Variants in MCF2L observed in about 807,000 individuals in gnomAD.
MCF2L encodes guanine nucleotide exchange factor DBS.
A neutral mutation model predicts 153.4 loss-of-function variants in MCF2L; 97 were observed. The ratio of observed to expected loss-of-function variants is 0.63; its 90% CI spans 0.54 to 0.75. MCF2L has a LOEUF of 0.75. Among genes scored for constraint, MCF2L ranks in the 30% least tolerant of loss-of-function variants. The pLI is 0.00. For missense variants in MCF2L, 1,347 were observed against 1,495.2 expected, an observed-to-expected ratio of 0.90 and a Z score of 1.64; for synonymous variants, 659 against 632.2, an observed-to-expected ratio of 1.04 and a Z score of -0.64.
At chr13:113,014,867 T>G in intron 2 of MCF2L, 21 bp downstream of exon 2, 1 of 1,607,812 alleles carries the variant, frequency 6.2e-7, no homozygotes, top group Non-Finnish European at 8.5e-7. Flanking sequence ...GAAGCTGGGA[T>G]GGGGTGGAGA....
At chr13:112,998,761 G>A (rs2083242720) in intron 1 of MCF2L, among the ~76,000 whole-genome samples, 1 of 152,198 alleles carries the variant, frequency 6.6e-6, no homozygotes, top group Admixed American at 6.5e-5. Context: ...CTGGCTAAAG[G>A]TCTAGGTGCT....
intron 2 of MCF2L, among the ~76,000 whole-genome samples, chr13:112,963,123 G>A (rs34556022): frequency 0.65 from 99,112 of 151,888 alleles, 32,624 homozygotes; most frequent in Non-Finnish European, 0.71. Flanking sequence ...TGCCTGGCTC[G>A]GCTCTGCCCT....
intron 3 of MCF2L, among the ~76,000 whole-genome samples, chr13:113,032,845 A>G (rs2085810525): frequency 6.6e-6 from 1 of 152,236 alleles, no homozygotes; most frequent in East Asian, 1.9e-4. Flanking sequence ...CTGGGATTAC[A>G]GATGTGAGCC....
chr13:112,922,974 C>T lies in MCF2L; in HGVS notation c.169+20603C>T, dbSNP rs550435880. Among the ~76,000 whole-genome samples the T allele has an allele frequency of 1.6e-4, 25 of 152,314 alleles. No individual in the cohort carries two copies. The South Asian group carries it at 1.7e-3, about 10-fold the overall frequency. On this transcript the variant is annotated intron_variant, in intron 2 of 29. Transcript: ENST00000375608. ...ATGTGGAAAAAGCACTCGACAAATG[C>T]GGTGCCTCTTTATGTTAAAAGAAAT... is the stretch of plus-strand genomic sequence containing the variant.
At chr13:112,912,501 G>C in intron 2 of MCF2L, among the ~76,000 whole-genome samples, 1 of 152,068 alleles carries the variant, frequency 6.6e-6, no homozygotes, top group Non-Finnish European at 1.5e-5. Context: ...ATTTTTAGTA[G>C]AGACGGGGTT....
At chr13:112,980,094 G>A (rs541116988) in intron 1 of MCF2L, among the ~76,000 whole-genome samples, 21 of 152,326 alleles carry the variant, frequency 1.4e-4, no homozygotes, top group African/African-American at 3.8e-4. Flanking sequence ...GGGCACACGC[G>A]GTCTGTGGGC....
At chr13:113,014,469 C>A (rs750077144) in intron 1 of MCF2L, among the ~76,000 whole-genome samples, 92 of 152,324 alleles carry the variant, frequency 6.0e-4, no homozygotes, top group Non-Finnish European at 1.1e-3. Flanking sequence ...CCCCTGCCTC[C>A]CCTCTGCCCA....
In MCF2L at chr13:113,091,311, G is replaced by A; in HGVS notation, c.2953+1583G>A. On this transcript the variant is annotated intron_variant, in intron 26 of 29. Transcript: ENST00000535094. ...GGGGGATGCTCTCGTGGGTCTTTATGCTGCGGAGGCAGACACGCGGTTGTG... is the reference window on the plus strand; with the variant it reads ...GGGGGATGCTCTCGTGGGTCTTTATACTGCGGAGGCAGACACGCGGTTGTG... 7 of 850,036 alleles carry A rather than the reference G, an allele frequency of 8.2e-6. No homozygotes were observed. In the South Asian group the frequency reaches 1.0e-4, roughly 13 times the overall value. The allele number at this position is 850,036 out of a possible 1,614,324, so 52.7% of individuals were successfully genotyped here. A position where few individuals can be genotyped will look rare whatever the true frequency, so the allele number is the denominator to read the frequency against.
At chr13:113,022,443 G>A (rs2084941365) in intron 2 of MCF2L, among the ~76,000 whole-genome samples, 1 of 138,880 alleles carries the variant, frequency 7.2e-6, no homozygotes, top group Admixed American at 7.7e-5. Flanking sequence ...CAGGGACGCA[G>A]GGGGTCTCAC....
chr13:113,028,958 G>A lies in MCF2L; in HGVS notation c.278+4200G>A, dbSNP rs1483372364. Among the ~76,000 whole-genome samples, 1 of 151,510 alleles carries A rather than the reference G, an allele frequency of 6.6e-6. No individual in the cohort carries two copies. Among genetic ancestry groups the A allele is most frequent in the Admixed American group, 6.6e-5 (1 of 15,190 alleles). ...TGTGTGGTATGTGTGGACTATGTGA[G>A]GCATGTGTGGGGTGAGTGTGGGGTG... On this transcript the variant is annotated intron_variant, in intron 3 of 29. Transcript: ENST00000535094. This position sits in a 1 kb window ranked among gnomAD's most constrained non-coding sequence, Gnocchi z 5.4.
At chr13:113,091,323 GAC>G (rs1189512920) in intron 26 of MCF2L, 24 of 740,808 alleles carry the variant, frequency 3.2e-5, no homozygotes, top group Non-Finnish European at 1.6e-5. Flanking sequence ...TGCGGAGGCA[GAC>G]ACGCGGTTGT....
At position 112,995,670 on chromosome 13, in the gene MCF2L, G is replaced by T. The variant is rs956684801; in HGVS notation, c.80-19093G>T. Reference sequence around the variant, plus strand: ...GGATGCAGGGAGGAGCGTGGCTCTGGGTGTGGAGGTGGCGGGCTGCTGGCA... The same window carrying T: ...GGATGCAGGGAGGAGCGTGGCTCTGTGTGTGGAGGTGGCGGGCTGCTGGCA... On this transcript the variant is annotated intron_variant, in intron 1 of 29. Transcript: ENST00000535094. Among the ~76,000 whole-genome samples the T allele has an allele frequency of 4.4e-4, 67 of 152,300 alleles. 1 individual carries two copies. Among genetic ancestry groups the T allele is most frequent in the Non-Finnish European group, 7.8e-4 (53 of 68,030 alleles).
Position 113,099,475 on chromosome 13 carries a change from C to A in MCF2L, c.*2616C>A, listed in dbSNP as rs929636466. On this transcript the variant is annotated 3_prime_UTR_variant, in exon 30 of 30. Coordinates refer to ENST00000535094, the MANE Select transcript of MCF2L (RefSeq NM_001112732.3). ...CACGGGAGGGAGCAGCCACGGCCAG[C>A]TCAGATTGGTGTCGACAGCTTAGTG... is the stretch of plus-strand genomic sequence containing the variant. The A allele has an allele frequency of 6.6e-6, 1 of 152,198 alleles. No individual in the cohort carries two copies. The highest frequency in any genetic ancestry group is 2.4e-5 in the African/African-American group (1 of 41,424). The allele number at this position is 152,198 out of a possible 1,614,324, so 9.4% of individuals were successfully genotyped here. A position where few individuals can be genotyped will look rare whatever the true frequency, so the allele number is the denominator to read the frequency against.
Position 113,045,182 on chromosome 13 carries a change from C to A in MCF2L, c.279-89C>A. The A allele has an allele frequency of 2.7e-6, 3 of 1,125,754 alleles. No individual in the cohort carries two copies. Among genetic ancestry groups the A allele is most frequent in the South Asian group, 1.2e-5 (1 of 80,932 alleles). The allele number at this position is 1,125,754 out of a possible 1,614,324, so 69.7% of individuals were successfully genotyped here. A position where few individuals can be genotyped will look rare whatever the true frequency, so the allele number is the denominator to read the frequency against. On this transcript the variant is annotated intron_variant, in intron 3 of 29. Coordinates refer to ENST00000535094, the MANE Select transcript of MCF2L (RefSeq NM_001112732.3). This position sits in a 1 kb window ranked among gnomAD's most constrained non-coding sequence, Gnocchi z 4.2. ...AAATGGCATCATGAATATGGGGGAT[C>A]GCTCTCCCAAGAGGTTTTCTGAGGG...
In MCF2L at chr13:113,066,179, C is replaced by G; in HGVS notation, c.881+9C>G. ...CAGGCCACCGTGCAGAGGTGAGGCC[C>G]GGCTGCCTTCCTGCCCTCATCCTGT... On this transcript the variant is annotated intron_variant, in intron 8 of 29. Transcript: ENST00000535094. 6.2e-7 allele frequency: 1 copy of G among 1,601,810 alleles called. No homozygotes were observed. The highest frequency in any genetic ancestry group is 2.3e-5 in the East Asian group (1 of 44,250).
chr13:112,936,714 C>G (rs1390335097), intron 2 of MCF2L, among the ~76,000 whole-genome samples: 6 of 152,114 alleles, frequency 3.9e-5, no homozygotes, highest in Admixed American at 3.9e-4. Context: ...AAATTGTTTC[C>G]TAGGACATGT....
intron 26 of MCF2L, among the ~76,000 whole-genome samples, chr13:113,092,849 T>A (rs1026793231): frequency 6.6e-6 from 1 of 152,230 alleles, no homozygotes; most frequent in African/African-American, 2.4e-5. Flanking sequence ...TGGGGAGCAC[T>A]GAGCACCCAC....
Position 113,054,344 on chromosome 13 carries a change from G to T in MCF2L, c.370-6249G>T, listed in dbSNP as rs902404541. 1.2e-4 allele frequency: 20 copies of T among 167,726 alleles called. No homozygotes were observed. The highest frequency in any genetic ancestry group is 4.8e-4 in the African/African-American group (20 of 41,428). 10.4% of individuals were successfully genotyped at this position (167,726 alleles called of 1,614,324 possible). ...TTGCTAGAGGACCAGTCCCCAAACG[G>T]CCGCGCTTTTAGGATTGGTTTTAGG... On this transcript the variant is annotated intron_variant, in intron 4 of 29. Transcript: ENST00000535094. This position sits in a 1 kb window ranked among gnomAD's most constrained non-coding sequence, Gnocchi z 5.2.
In MCF2L at chr13:112,993,186, G is replaced by A. The variant is rs1329619397; in HGVS notation, c.80-21577G>A. On this transcript the variant is annotated intron_variant, in intron 1 of 29. Transcript: ENST00000535094. The surrounding 1 kb of genome is among the most constrained non-coding windows in gnomAD (Gnocchi z 4.6). Reference sequence around the variant, plus strand: ...AGAGAGGCTGTACTGACAGAGGCTGGGGGAGGATCTGGTGATGGAGACACG... The same window carrying A: ...AGAGAGGCTGTACTGACAGAGGCTGAGGGAGGATCTGGTGATGGAGACACG... Among the ~76,000 whole-genome samples, 3 of 152,256 alleles carry A rather than the reference G, an allele frequency of 2.0e-5. No individual in the cohort carries two copies. Among genetic ancestry groups the A allele is most frequent in the Non-Finnish European group, 2.9e-5 (2 of 68,050 alleles).
Sources: gnomAD v4.1 joint callset for allele counts (sites outside exome capture counted in the v4.1 genomes callset) on GRCh38, gnomAD v4.1.1 for gene constraint, Gnocchi (gnomAD v3.1) non-coding constraint, MANE v1.5 for transcripts, NCBI Gene and HGNC (gene_info 2026-07-23, HGNC 2026-07-21) for gene names.